Variants in TAF3 observed in about 807,000 individuals in gnomAD.
The protein encoded by TAF3 is transcription initiation factor TFIID subunit 3.
In TAF3, 7 loss-of-function variants were observed where a neutral mutation model predicts 80.6. The ratio of observed to expected loss-of-function variants is 0.09; its 90% CI spans 0.05 to 0.16. The LOEUF (loss-of-function observed/expected upper bound fraction) is 0.16, where lower values mean the gene tolerates loss of function less well. Ranked by LOEUF, TAF3 falls within the 10% of genes least tolerant of loss-of-function variation. The pLI, the probability that TAF3 is intolerant of heterozygous loss-of-function variation, is 1.00. For synonymous variants in TAF3, 444 were observed against 446.1 expected, an observed-to-expected ratio of 1.00 and a Z score of 0.06; for missense variants, 921 against 1,140.2, an observed-to-expected ratio of 0.81 and a Z score of 2.77.
chr10:7,967,820 T>A (rs1308378394), intron 3 of TAF3, among the ~76,000 whole-genome samples: 1 of 152,198 alleles, frequency 6.6e-6, no homozygotes, highest in African/African-American at 2.4e-5. Flanking sequence ...CCATATCAGC[T>A]AGCCTGTGTT....
chr10:7,861,812 G>A (rs927208671), intron 2 of TAF3, among the ~76,000 whole-genome samples: 1 of 151,992 alleles, frequency 6.6e-6, no homozygotes, highest in Admixed American at 6.6e-5. Context: ...ATGCTTGGGA[G>A]TTACTGAACT....
At chr10:7,903,503 C>T (rs147988433) in intron 2 of TAF3, among the ~76,000 whole-genome samples, 195 of 152,270 alleles carry the variant, frequency 1.3e-3, no homozygotes, top group Non-Finnish European at 2.3e-3. Flanking sequence ...ATAAGGACAA[C>T]GGTGTTTAAC....
chr10:7,957,792 G>GCTCTCTCTCTCT lies in TAF3; in HGVS notation c.410-6127_410-6126insTCTCTCTCTCTC, dbSNP rs373350330. On this transcript the variant is annotated intron_variant, in intron 2 of 6. Transcript: ENST00000344293. ...CTGTCTGTCTCACGCTCTCTCTAGC[G>GCTCTCTCTCTCT]CGCTCTCTCTCTCTCTCTCTCTCTC... Among the ~76,000 whole-genome samples, 406 of 134,302 alleles carry GCTCTCTCTCTCT rather than the reference G, an allele frequency of 3.0e-3. 3 individuals carry two copies. The highest frequency in any genetic ancestry group is 3.9e-3 in the Non-Finnish European group (245 of 63,286). 88.1% of individuals were successfully genotyped at this position (134,302 alleles called of 152,430 possible).
chr10:7,978,403 G>A (rs559199563), intron 4 of TAF3, among the ~76,000 whole-genome samples: 1 of 152,316 alleles, frequency 6.6e-6, no homozygotes, highest in Admixed American at 6.5e-5. Context: ...TGTGAGCAGA[G>A]AGGCAACTTG....
intron 4 of TAF3, among the ~76,000 whole-genome samples, chr10:7,979,587 A>G (rs1831706063): frequency 6.6e-6 from 1 of 152,188 alleles, no homozygotes; most frequent in South Asian, 2.1e-4. Flanking sequence ...CATATTATAT[A>G]TCATGTAAAC....
intron 2 of TAF3, among the ~76,000 whole-genome samples, chr10:7,884,849 G>A (rs1837394020): frequency 6.6e-6 from 1 of 152,080 alleles, no homozygotes; most frequent in Non-Finnish European, 1.5e-5. Context: ...ATTTCCATAT[G>A]TATTAAAAGC....
At chr10:7,822,639 A>G (rs1836701364) in intron 1 of TAF3, among the ~76,000 whole-genome samples, 1 of 152,174 alleles carries the variant, frequency 6.6e-6, no homozygotes, top group African/African-American at 2.4e-5. Context: ...GCATTACTAC[A>G]CATGCGTCCA....
At position 7,852,799 on chromosome 10, in the gene TAF3, C is replaced by G. The variant is rs191837303; in HGVS notation, c.409+28239C>G. On this transcript the variant is annotated intron_variant, in intron 2 of 6. Coordinates refer to ENST00000344293, the MANE Select transcript of TAF3 (RefSeq NM_031923.4). ...GGAGTGCTTCTATAAAGAGAAACTT[C>G]CTATCATCTACTATTTGGTTTCCTG... Among the ~76,000 whole-genome samples the G allele has an allele frequency of 2.0e-5, 3 of 152,264 alleles. No individual in the cohort carries two copies. In the East Asian group the frequency reaches 5.8e-4, roughly 29 times the overall value.
chr10:7,920,409 G>T (rs1421098535), intron 2 of TAF3, among the ~76,000 whole-genome samples: 1 of 151,502 alleles, frequency 6.6e-6, no homozygotes, highest in East Asian at 1.9e-4. Context: ...TGGGTGCGTT[G>T]TGTGATTTCA....
chr10:7,972,934 A>G (rs1028499487), intron 3 of TAF3, among the ~76,000 whole-genome samples: 1 of 152,240 alleles, frequency 6.6e-6, no homozygotes, highest in African/African-American at 2.4e-5. Context: ...TAAAGTGAAT[A>G]GCTCCATGTA....
At chr10:7,915,203 G>C (rs1048784415) in intron 2 of TAF3, among the ~76,000 whole-genome samples, 8 of 151,086 alleles carry the variant, frequency 5.3e-5, no homozygotes, top group African/African-American at 1.9e-4. Context: ...GCCTCCCCAA[G>C]TGCTGGGATT....
At chr10:7,949,033 T>C (rs1196820166) in intron 2 of TAF3, among the ~76,000 whole-genome samples, 2 of 152,248 alleles carry the variant, frequency 1.3e-5, no homozygotes, top group Non-Finnish European at 2.9e-5. Flanking sequence ...CTGCCGCCGC[T>C]GCTGACAGCC....
chr10:7,914,885 A>G (rs922043779), intron 2 of TAF3, among the ~76,000 whole-genome samples: 3 of 149,156 alleles, frequency 2.0e-5, no homozygotes, highest in African/African-American at 7.5e-5. Flanking sequence ...ATCTGACCAC[A>G]TGTGCCTGCC....
chr10:7,869,352 A>T (rs1015729801), intron 2 of TAF3, among the ~76,000 whole-genome samples: 2 of 152,022 alleles, frequency 1.3e-5, no homozygotes, highest in Non-Finnish European at 2.9e-5. Context: ...ACGTACATAG[A>T]TGTTGATTTC....
At chr10:7,826,277 TTAAC>T (rs1449621764) in intron 2 of TAF3, among the ~76,000 whole-genome samples, 1 of 152,220 alleles carries the variant, frequency 6.6e-6, no homozygotes, top group African/African-American at 2.4e-5. Context: ...TAATCTACAC[TTAAC>T]TATTTGGTCC....
rs1053463383 is a variant in TAF3, at chr10:8,016,301, G to A, written c.*1550G>A. The A allele has an allele frequency of 1.3e-5, 2 of 152,122 alleles. No individual in the cohort carries two copies. The highest frequency in any genetic ancestry group is 4.8e-5 in the African/African-American group (2 of 41,424). 9.4% of individuals were successfully genotyped at this position (152,122 alleles called of 1,614,324 possible). ...AAATGCCAAGTAAATTGATATTAGT[G>A]TATGAATTAGTCATATTTTAAAACA... On this transcript the variant is annotated 3_prime_UTR_variant, in exon 7 of 7. Coordinates refer to ENST00000344293, the MANE Select transcript of TAF3 (RefSeq NM_031923.4).
chr10:7,865,980 C>T (rs1157030792), intron 2 of TAF3, among the ~76,000 whole-genome samples: 1 of 152,216 alleles, frequency 6.6e-6, no homozygotes, highest in African/African-American at 2.4e-5. Context: ...CCATGTTCGG[C>T]ACCTTGACTT....
chr10:8,013,594 T>C, intron 5 of TAF3, 137 bp from the exon 6 acceptor site: 1 of 605,110 alleles, frequency 1.7e-6, no homozygotes. Context: ...ATTAATGAAG[T>C]GCTGATCTAC....
chr10:7,972,906 A>C (rs975628877), intron 3 of TAF3, among the ~76,000 whole-genome samples: 27 of 152,214 alleles, frequency 1.8e-4, no homozygotes, highest in Admixed American at 8.5e-4. Flanking sequence ...AATATTTATC[A>C]TAAGAGATAT....
Sources: allele counts gnomAD v4.1 joint callset (sites outside exome capture counted in the v4.1 genomes callset), GRCh38; gene constraint gnomAD v4.1.1; transcripts MANE v1.5; gene names NCBI Gene and HGNC (gene_info 2026-07-23, HGNC 2026-07-21).